Variants in EHBP1 observed in about 807,000 individuals in gnomAD.
The protein encoded by EHBP1 is EH domain-binding protein 1.
EHBP1 carries 55 observed loss-of-function variants against 144.0 expected under a neutral mutation model. The ratio of observed to expected loss-of-function variants is 0.38; its 90% CI spans 0.31 to 0.48. EHBP1 has a LOEUF of 0.48. Ranked by LOEUF, EHBP1 falls within the 20% of genes least tolerant of loss-of-function variation. The pLI is 0.98. For synonymous variants in EHBP1, 469 were observed against 472.7 expected (o/e 0.99, Z 0.10); for missense variants, 1,200 against 1,364.2 (o/e 0.88, Z 1.90).
intron 5 of EHBP1, among the ~76,000 whole-genome samples, chr2:62,778,065 T>C (rs1203256242): frequency 6.6e-6 from 1 of 152,136 alleles, no homozygotes; most frequent in Non-Finnish European, 1.5e-5. Flanking sequence ...TATCAAAATG[T>C]GTTTTCTTGG....
intron 10 of EHBP1, among the ~76,000 whole-genome samples, chr2:62,902,766 T>G (rs1376762439): frequency 6.6e-6 from 1 of 152,214 alleles, no homozygotes; most frequent in African/African-American, 2.4e-5. Flanking sequence ...AATTTCTGAC[T>G]GGTATATATG....
intron 14 of EHBP1, among the ~76,000 whole-genome samples, chr2:62,961,657 A>T (rs2058007285): frequency 6.6e-6 from 1 of 152,178 alleles, no homozygotes; most frequent in South Asian, 2.1e-4. Context: ...CACAGACTTG[A>T]AGAAAATGTA....
At chr2:62,767,296 G>C (rs1314019270) in intron 4 of EHBP1, among the ~76,000 whole-genome samples, 1 of 152,040 alleles carries the variant, frequency 6.6e-6, no homozygotes, top group Non-Finnish European at 1.5e-5. Flanking sequence ...TCTCTGATCA[G>C]GTAGAGTTAG....
chr2:62,748,306 T>C (rs986318687), intron 3 of EHBP1, among the ~76,000 whole-genome samples: 3 of 152,092 alleles, frequency 2.0e-5, no homozygotes, highest in Non-Finnish European at 4.4e-5. Context: ...ATTTTGTTTG[T>C]GGGGAGTGGA....
chr2:62,736,347 C>T lies in EHBP1; in HGVS notation c.105-11048C>T, dbSNP rs59604843. ...GTTCAAGGAATTCTGCCTCAGCCTC[C>T]TGAGTAGCTGGGATTAGAGGTGTGC... On this transcript the variant is annotated intron_variant, in intron 2 of 22. Coordinates refer to ENST00000431489, the MANE Select transcript of EHBP1 (RefSeq NM_001142616.3). Among the ~76,000 whole-genome samples, 63 of 151,696 alleles carry T rather than the reference C, an allele frequency of 4.2e-4. 1 individual carries two copies. In the East Asian group the frequency reaches 0.012, roughly 29 times the overall value.
intron 10 of EHBP1, among the ~76,000 whole-genome samples, chr2:62,880,224 A>G (rs2051285129): frequency 6.6e-6 from 1 of 152,200 alleles, no homozygotes; most frequent in South Asian, 2.1e-4. Flanking sequence ...AAGATGCATT[A>G]AAGACTTAAA....
intron 2 of EHBP1, among the ~76,000 whole-genome samples, chr2:62,725,733 T>C (rs2036712728): frequency 6.6e-6 from 1 of 152,074 alleles, no homozygotes; most frequent in South Asian, 2.1e-4. Context: ...TGCATGCACA[T>C]GGGCAGCTGA....
chr2:62,743,174 G>A (rs1161685327), intron 2 of EHBP1, among the ~76,000 whole-genome samples: 1 of 152,006 alleles, frequency 6.6e-6, no homozygotes, highest in Non-Finnish European at 1.5e-5. Flanking sequence ...AATGTTCTTA[G>A]AAAATATTTT....
At chr2:62,978,694 T>C (rs1359796824) in intron 14 of EHBP1, among the ~76,000 whole-genome samples, 1 of 152,186 alleles carries the variant, frequency 6.6e-6, no homozygotes, top group Non-Finnish European at 1.5e-5. Flanking sequence ...TGATAAACTA[T>C]CCCTACTCTT....
chr2:63,012,518 C>G (rs1417487015), intron 19 of EHBP1, among the ~76,000 whole-genome samples: 1 of 151,604 alleles, frequency 6.6e-6, no homozygotes, highest in Non-Finnish European at 1.5e-5. Context: ...ACTTTTTTTT[C>G]ATTTATGCCA....
intron 6 of EHBP1, among the ~76,000 whole-genome samples, chr2:62,830,324 T>C (rs1349109419): frequency 1.3e-5 from 2 of 151,910 alleles, no homozygotes; most frequent in East Asian, 3.9e-4. Flanking sequence ...TTAGTAGAGA[T>C]GGGGTTTCAC....
rs371463345 is a variant in EHBP1, at chr2:62,674,693, A to G, written c.-296+610A>G. Among the ~76,000 whole-genome samples the G allele has an allele frequency of 1.6e-4, 24 of 152,350 alleles. No homozygotes were observed. The East Asian group carries it at 3.3e-3, about 21-fold the overall frequency. ...CAATATTGCTAAAGCAGATATTCAC[A>G]TAATCCTCACAAAGTGTGTTTGTGC... On this transcript the variant is annotated intron_variant, in intron 1 of 22. Coordinates refer to the EHBP1 transcript ENST00000405015.
At chr2:62,993,724 CTATATATAG>C in intron 17 of EHBP1, 56 bp downstream of exon 17, 3 of 919,110 alleles carry the variant, frequency 3.3e-6, no homozygotes, top group Non-Finnish European at 4.4e-6. Flanking sequence ...ATATAGATAT[CTATATATAG>C]TATATATATA....
chr2:62,752,038 T>C (rs1437461736), intron 3 of EHBP1, among the ~76,000 whole-genome samples: 1 of 152,138 alleles, frequency 6.6e-6, no homozygotes, highest in Admixed American at 6.5e-5. Flanking sequence ...TTTGAATGTG[T>C]TTGCTCTTGC....
chr2:62,973,890 T>G (rs2058600431), intron 14 of EHBP1, among the ~76,000 whole-genome samples: 1 of 152,010 alleles, frequency 6.6e-6, no homozygotes. Flanking sequence ...TCCCAGCTAC[T>G]CGGGGTGGTG....
intron 1 of EHBP1, among the ~76,000 whole-genome samples, chr2:62,696,641 G>A (rs2034111023): frequency 6.8e-6 from 1 of 148,002 alleles, no homozygotes; most frequent in South Asian, 2.1e-4. Flanking sequence ...AGCCTGCCAA[G>A]TAGCTGGGAC....
intron 10 of EHBP1, among the ~76,000 whole-genome samples, chr2:62,929,129 G>A (rs1289378355): frequency 2.0e-5 from 3 of 152,214 alleles, no homozygotes; most frequent in Non-Finnish European, 2.9e-5. Flanking sequence ...GAACCTAATG[G>A]CTTCACCAGT....
At chr2:62,759,590 A>G (rs1390168365) in intron 3 of EHBP1, among the ~76,000 whole-genome samples, 1 of 151,990 alleles carries the variant, frequency 6.6e-6, no homozygotes, top group Non-Finnish European at 1.5e-5. Context: ...TTTTCAGTAG[A>G]GACAGGGTTT....
chr2:62,681,034 C>T (rs1224809266), intron 1 of EHBP1, among the ~76,000 whole-genome samples: 3 of 151,672 alleles, frequency 2.0e-5, no homozygotes, highest in Non-Finnish European at 4.4e-5. Context: ...AAAAAATGGC[C>T]GGGCGTGATG....
Sources: allele counts gnomAD v4.1 joint callset (sites outside exome capture counted in the v4.1 genomes callset), GRCh38; gene constraint gnomAD v4.1.1; transcripts MANE v1.5; gene names NCBI Gene and HGNC (gene_info 2026-07-23, HGNC 2026-07-21).